MID2: variants seen among roughly 807,000 people sequenced by gnomAD.
The protein encoded by MID2 is midline 2.
MID2 carries 13 observed loss-of-function variants against 46.1 expected under a neutral mutation model. The ratio of observed to expected loss-of-function variants is 0.28; its 90% CI spans 0.18 to 0.45. The LOEUF (loss-of-function observed/expected upper bound fraction) is 0.45, where lower values mean the gene tolerates loss of function less well. Among genes scored for constraint, MID2 ranks in the 20% least tolerant of loss-of-function variants. The pLI is 1.00. For missense variants in MID2, 431 were observed against 575.4 expected (o/e 0.75, Z 2.57); for synonymous variants, 199 against 212.3 (o/e 0.94, Z 0.55).
intron 3 of MID2, among the ~76,000 whole-genome samples, chrX:107,894,208 A>G (rs1448015152): frequency 9.2e-6 from 1 of 108,291 alleles, no homozygotes; most frequent in African/African-American, 3.4e-5. Flanking sequence ...TTTTTTTTTT[A>G]TACCCAGCAC....
intron 5 of MID2, among the ~76,000 whole-genome samples, chrX:107,910,788 C>CTTTCCT: frequency 9.5e-5 from 1 of 10,548 alleles, no homozygotes; most frequent in Admixed American, 8.2e-4. Context: ...CTTTCCTTTC[C>CTTTCCT]TTTCCTTTCC....
chrX:107,908,628 A>G (rs1932856793), intron 5 of MID2, among the ~76,000 whole-genome samples: 1 of 108,070 alleles, frequency 9.3e-6, no homozygotes, highest in South Asian at 4.2e-4. Context: ...CTTTAATCAC[A>G]GCACTCTGGG....
rs370137845 is a variant in MID2 at position 107,924,324 on chromosome X, G to A, written c.1436-19G>A. ...CTCTTACCTGCTGGTTAATGTCCTT[G>A]TCTTTCCCCATGTTACAGGCCTGTA... On this transcript the variant is annotated intron_variant, in intron 7 of 9. Coordinates refer to ENST00000262843, the MANE Select transcript of MID2 (RefSeq NM_012216.4). 118 of 1,193,400 alleles carry A rather than the reference G, an allele frequency of 9.9e-5. No individual in the cohort carries two copies. The African/African-American group carries it at 1.2e-3, about 12-fold the overall frequency.
intron 2 of MID2, among the ~76,000 whole-genome samples, chrX:107,849,624 G>A (rs769176921): frequency 5.4e-5 from 6 of 112,122 alleles, no homozygotes; most frequent in Non-Finnish European, 1.1e-4. Context: ...GCACAAAGAG[G>A]CCTAATCTAT....
chrX:107,882,451 A>C (rs1200608615), intron 3 of MID2, among the ~76,000 whole-genome samples: 2 of 111,843 alleles, frequency 1.8e-5, no homozygotes, highest in Non-Finnish European at 3.8e-5. Context: ...TTTGCAATCT[A>C]CTCATCTGAC....
At chrX:107,886,347 C>T (rs1264920180) in intron 3 of MID2, among the ~76,000 whole-genome samples, 2 of 111,939 alleles carry the variant, frequency 1.8e-5, no homozygotes, top group Non-Finnish European at 3.8e-5. Flanking sequence ...CTATGGCTAG[C>T]CAGTTTTCCC....
chrX:107,877,008 G>T (rs749563300), intron 3 of MID2, among the ~76,000 whole-genome samples: 8 of 111,409 alleles, frequency 7.2e-5, no homozygotes, highest in African/African-American at 2.3e-4. Flanking sequence ...GGACCCAGAG[G>T]AGCAGCGCTG....
intron 3 of MID2, among the ~76,000 whole-genome samples, chrX:107,862,680 C>T (rs753675529): frequency 5.3e-5 from 6 of 112,465 alleles, no homozygotes; most frequent in East Asian, 5.6e-4. Context: ...TGCCTTTAAG[C>T]AAAGCCAAAA....
intron 3 of MID2, among the ~76,000 whole-genome samples, chrX:107,865,869 C>T (rs377663002): frequency 1.8e-5 from 2 of 112,592 alleles, no homozygotes; most frequent in Non-Finnish European, 3.8e-5. Flanking sequence ...TCCCTCATCC[C>T]AATCTATATA....
intron 1 of MID2, among the ~76,000 whole-genome samples, chrX:107,826,636 G>A (rs1930955039): frequency 1.8e-5 from 2 of 112,844 alleles, no homozygotes; most frequent in Admixed American, 1.8e-4. Flanking sequence ...CAGTCATGCT[G>A]TTGGGGCCCG....
intron 3 of MID2, among the ~76,000 whole-genome samples, chrX:107,864,038 A>G (rs969376579): frequency 8.9e-6 from 1 of 112,637 alleles, no homozygotes; most frequent in Admixed American, 9.4e-5. Flanking sequence ...TCAAGGTCAC[A>G]CATAAGTAAG....
At chrX:107,861,180 G>C (rs1931844455) in intron 3 of MID2, among the ~76,000 whole-genome samples, 1 of 112,051 alleles carries the variant, frequency 8.9e-6, no homozygotes, top group African/African-American at 3.2e-5. Flanking sequence ...TCAGAGGAAG[G>C]AGAGGCCTTC....
rs1333859554 is a variant in MID2, at chrX:107,841,350, G to T, written c.685G>T (p.Val229Phe). 1.7e-6 allele frequency: 2 copies of T among 1,204,472 alleles called. No individual in the cohort carries two copies. Among genetic ancestry groups the T allele is most frequent in the Admixed American group, 2.2e-5 (1 of 45,562 alleles). ...GGTGGGTCGTCACCGAGACCATCAG[G>T]TCGCATCCCTGAATGATCGATTTGA... ...KLVGRHRDHQ[V>F]ASLNDRFEKL... Residue 229 changes from valine to phenylalanine, a missense_variant, in exon 2 of 10, where the codon GTC (valine) becomes TTC (phenylalanine). Coordinates refer to ENST00000262843, the MANE Select transcript of MID2 (RefSeq NM_012216.4).
chrX:107,910,135 T>C (rs1932872598), intron 5 of MID2, among the ~76,000 whole-genome samples: 1 of 111,915 alleles, frequency 8.9e-6, no homozygotes, highest in Admixed American at 9.4e-5. Context: ...CTTTATACCC[T>C]TTGTCCAACA....
intron 2 of MID2, 137 bp downstream of exon 2, chrX:107,841,522 C>G: frequency 2.2e-6 from 1 of 452,587 alleles, no homozygotes; most frequent in South Asian, 3.9e-5. Flanking sequence ...ATAACCTGCT[C>G]TCCTGCAAGC....
Position 107,927,350 on chromosome X carries a change from A to G in MID2, c.*277A>G, listed in dbSNP as rs903587521. On this transcript the variant is annotated 3_prime_UTR_variant, in exon 10 of 10. Coordinates refer to ENST00000262843, the MANE Select transcript of MID2 (RefSeq NM_012216.4). ...GTCATTGGAGAATTAAAAATTCCCAATGATTTAAGAATATAAATTATATTG... is the reference window on the plus strand; with the variant it reads ...GTCATTGGAGAATTAAAAATTCCCAGTGATTTAAGAATATAAATTATATTG... 7.2e-5 allele frequency among the ~76,000 whole-genome samples: 8 copies of G among 111,742 alleles called. No individual in the cohort carries two copies. Among genetic ancestry groups the G allele is most frequent in the Non-Finnish European group, 1.3e-4 (7 of 53,143 alleles).
At position 107,929,992 on chromosome X, in the gene MID2, G is replaced by A. The variant is rs1421111896; in HGVS notation, c.*2919G>A. On this transcript the variant is annotated 3_prime_UTR_variant, in exon 10 of 10. Transcript: ENST00000262843. ...CCTAACCAGAATATCTGAGAACATA[G>A]GCAGGAATTTACATTTTTGACAAGC... 9.0e-6 allele frequency among the ~76,000 whole-genome samples: 1 copy of A among 111,692 alleles called. No homozygotes were observed. The highest frequency in any genetic ancestry group is 1.9e-5 in the Non-Finnish European group (1 of 53,037).
Position 107,840,937 on chromosome X carries a change from A to G in MID2, c.272A>G (p.Asp91Gly), listed in dbSNP as rs1442017152. ...ATCTCGCTGAACCACCGGGGCCTGG[A>G]TGGCCTCAAGAGGAATGTGACTCTG... ...YVISLNHRGL[D>G]GLKRNVTLQN... Residue 91 changes from aspartate to glycine, a missense_variant, in exon 2 of 10, where the codon GAT becomes GGT. Physicochemically the swap from Asp to Gly is moderately conservative, Grantham distance 94 (BLOSUM62 -1). Coordinates refer to ENST00000262843, the MANE Select transcript of MID2 (RefSeq NM_012216.4). 8.3e-6 allele frequency: 10 copies of G among 1,211,511 alleles called. No individual in the cohort carries two copies. Among genetic ancestry groups the G allele is most frequent in the Non-Finnish European group, 1.1e-5 (10 of 895,453 alleles).
intron 3 of MID2, among the ~76,000 whole-genome samples, chrX:107,859,209 A>G (rs1569464187): frequency 8.9e-6 from 1 of 112,007 alleles, no homozygotes; most frequent in East Asian, 2.8e-4. Flanking sequence ...AATATTTTAA[A>G]ATAAATTAAT....
Sources: allele counts gnomAD v4.1 joint callset (sites outside exome capture counted in the v4.1 genomes callset), GRCh38; gene constraint gnomAD v4.1.1; transcripts MANE v1.5; gene names NCBI Gene and HGNC (gene_info 2026-07-23, HGNC 2026-07-21).